Variants in CAPZA2 observed in about 807,000 individuals in gnomAD.
CAPZA2 encodes F-actin-capping protein subunit alpha-2.
Under a neutral mutation model 44.0 loss-of-function variants are expected in CAPZA2, and 13 were observed. The ratio of observed to expected loss-of-function variants is 0.30; its 90% CI spans 0.19 to 0.47. CAPZA2 has a LOEUF of 0.47. CAPZA2 is among the 20% of genes least tolerant of loss of function. The probability of loss-of-function intolerance (pLI) is 1.00; values close to 1 mark genes in which losing one functional copy is unlikely to be tolerated. For synonymous variants in CAPZA2, 94 were observed against 108.2 expected (o/e 0.87, Z 0.81); for missense variants, 244 against 338.6 (o/e 0.72, Z 2.19).
rs756682218 is a variant in CAPZA2 at position 116,888,180 on chromosome 7, G to A, written c.93G>A (p.Glu31=). Residue 31 remains glutamate (E), a synonymous_variant, in exon 2 of 10, where the codon GAG becomes GAA. Coordinates refer to ENST00000361183, the MANE Select transcript of CAPZA2 (RefSeq NM_006136.3). The stretch of plus-strand genomic sequence containing the variant: ...ATGCCCCTCCTGGAGAATTTAATGA[G>A]GTTTTCAATGGTGAGTGTTTGATTT... ...IIHAPPGEFN[E]VFNDVRLLLN... is the part of the protein sequence containing the mutation. 3.6e-5 allele frequency: 58 copies of A among 1,608,098 alleles called. 1 individual carries two copies. In the South Asian group the frequency reaches 6.3e-4, roughly 17 times the overall value.
intron 4 of CAPZA2, among the ~76,000 whole-genome samples, chr7:116,900,150 A>G (rs1796978162): frequency 6.6e-6 from 1 of 151,874 alleles, no homozygotes; most frequent in African/African-American, 2.4e-5. Flanking sequence ...GAATCGAAGA[A>G]AACCTCTTAA....
At chr7:116,886,665 G>A (rs1438322132) in intron 1 of CAPZA2, among the ~76,000 whole-genome samples, 1 of 152,224 alleles carries the variant, frequency 6.6e-6, no homozygotes, top group Non-Finnish European at 1.5e-5. Context: ...TGGAGATGTT[G>A]TTTAAATGGT....
At position 116,910,990 on chromosome 7, in the gene CAPZA2, C is replaced by CAA. The variant is rs57772383; in HGVS notation, c.585+700_585+701dup. Among the ~76,000 whole-genome samples the CAA allele has an allele frequency of 8.9e-3, 438 of 49,330 alleles. 4 individuals carry two copies. Among genetic ancestry groups the CAA allele is most frequent in the Non-Finnish European group, 9.8e-3 (237 of 24,208 alleles). The allele number at this position is 49,330 out of a possible 152,430, so 32.4% of individuals were successfully genotyped here. On this transcript the variant is annotated intron_variant, in intron 7 of 9. Coordinates refer to ENST00000361183, the MANE Select transcript of CAPZA2 (RefSeq NM_006136.3). ...TGGGCGACAGAACAAGACTCCGTCT[C>CAA]AAAAAAAAAAAAAAAAAAAAAAGCA... is the stretch of plus-strand genomic sequence containing the variant.
At chr7:116,907,409 A>G (rs190114120) in intron 6 of CAPZA2, among the ~76,000 whole-genome samples, 14 of 152,312 alleles carry the variant, frequency 9.2e-5, no homozygotes, top group African/African-American at 3.4e-4. Flanking sequence ...TGTAGCATTA[A>G]TCTAGAATCC....
intron 4 of CAPZA2, among the ~76,000 whole-genome samples, 186 bp from the exon 5 acceptor site, chr7:116,903,991 A>G (rs1289104411): frequency 6.6e-6 from 1 of 152,222 alleles, no homozygotes; most frequent in Admixed American, 6.5e-5. Context: ...GGATGAGAGT[A>G]ATGTCATTGT....
chr7:116,914,034 T>C (rs1184879449), intron 8 of CAPZA2, among the ~76,000 whole-genome samples: 1 of 149,220 alleles, frequency 6.7e-6, no homozygotes, highest in East Asian at 1.9e-4. Context: ...AATTTTTTTT[T>C]TTTTTTTTTT....
rs547645794 is a variant in CAPZA2 at position 116,878,505 on chromosome 7, C to T, written c.40-9622C>T. Among the ~76,000 whole-genome samples, 21 of 152,188 alleles carry T rather than the reference C, an allele frequency of 1.4e-4. No homozygotes were observed. In the South Asian group the frequency reaches 4.4e-3, roughly 32 times the overall value. On this transcript the variant is annotated intron_variant, in intron 1 of 9. Coordinates refer to ENST00000361183, the MANE Select transcript of CAPZA2 (RefSeq NM_006136.3). ...GCATGTCATCTCCCTTAGTTTTTAC[C>T]TTTGAAAACTGAGGTTTACAGAAGT...
Position 116,910,453 on chromosome 7 carries a change from C to T in CAPZA2, c.585+142C>T, listed in dbSNP as rs1791575933. 6.7e-6 allele frequency: 4 copies of T among 595,156 alleles called. No homozygotes were observed. In the Admixed American group the frequency reaches 1.2e-4, roughly 18 times the overall value. The allele number at this position is 595,156 out of a possible 1,614,324, so 36.9% of individuals were successfully genotyped here. A position where few individuals can be genotyped will look rare whatever the true frequency, so the allele number is the denominator to read the frequency against. ...TGGGGTAATGGGAAAAACAATAGTGCTGTTTTAAATCTTTTAAATAACCTG... is the reference window on the plus strand; with the variant it reads ...TGGGGTAATGGGAAAAACAATAGTGTTGTTTTAAATCTTTTAAATAACCTG... On this transcript the variant is annotated intron_variant, in intron 7 of 9. Coordinates refer to ENST00000361183, the MANE Select transcript of CAPZA2 (RefSeq NM_006136.3).
At chr7:116,867,035 C>T (rs779395486) in intron 1 of CAPZA2, among the ~76,000 whole-genome samples, 5 of 152,118 alleles carry the variant, frequency 3.3e-5, no homozygotes, top group South Asian at 2.1e-4. Context: ...TTTTTTGGCC[C>T]TGTACCTTAC....
intron 1 of CAPZA2, among the ~76,000 whole-genome samples, chr7:116,878,506 T>C (rs1037209473): frequency 6.6e-6 from 1 of 152,224 alleles, no homozygotes; most frequent in Non-Finnish European, 1.5e-5. Context: ...AGTTTTTACC[T>C]TTGAAAACTG....
rs908334838 is a variant in CAPZA2, at chr7:116,921,622, C to A, written c.*3755C>A. On this transcript the variant is annotated 3_prime_UTR_variant, in exon 10 of 10. Coordinates refer to ENST00000361183, the MANE Select transcript of CAPZA2 (RefSeq NM_006136.3). Reference sequence around the variant, plus strand: ...CTTTGAACCCAGGAAGTGACAGTTACAACGAGCGGAGACTGTGCCACTTCA... The same window carrying A: ...CTTTGAACCCAGGAAGTGACAGTTAAAACGAGCGGAGACTGTGCCACTTCA... 1 of 152,228 alleles carries A rather than the reference C, an allele frequency of 6.6e-6. No individual in the cohort carries two copies. Among genetic ancestry groups the A allele is most frequent in the African/African-American group, 2.4e-5 (1 of 41,450 alleles). The allele number at this position is 152,228 out of a possible 1,614,324, so 9.4% of individuals were successfully genotyped here.
At chr7:116,873,972 T>TA (rs973438580) in intron 1 of CAPZA2, 2 of 152,928 alleles carry the variant, frequency 1.3e-5, no homozygotes, top group African/African-American at 4.8e-5. Flanking sequence ...CTTTCCCTGA[T>TA]AAGTTTTTCA....
intron 4 of CAPZA2, among the ~76,000 whole-genome samples, chr7:116,902,007 G>A (rs1436251401): frequency 6.6e-6 from 1 of 151,748 alleles, no homozygotes; most frequent in Non-Finnish European, 1.5e-5. Flanking sequence ...TTGTTTTACA[G>A]CCAATGTTAA....
chr7:116,918,939 C>T lies in CAPZA2; in HGVS notation c.*1072C>T, dbSNP rs556582964. The T allele has an allele frequency of 2.0e-5, 3 of 152,108 alleles. No individual in the cohort carries two copies. The highest frequency in any genetic ancestry group is 4.4e-5 in the Non-Finnish European group (3 of 68,016). 9.4% of individuals were successfully genotyped at this position (152,108 alleles called of 1,614,324 possible). On this transcript the variant is annotated 3_prime_UTR_variant, in exon 10 of 10. Transcript: ENST00000361183. ...AGTTCTACTGATGCTACAGGAATTT[C>T]AAGCCTGTGGTGAATGTTAGTATTT...
intron 3 of CAPZA2, among the ~76,000 whole-genome samples, chr7:116,898,372 T>C (rs1796953143): frequency 6.6e-6 from 1 of 152,128 alleles, no homozygotes; most frequent in Non-Finnish European, 1.5e-5. Flanking sequence ...TTTATTCACC[T>C]GTAGGCCTTT....
chr7:116,903,899 C>G (rs1430385951), intron 4 of CAPZA2, among the ~76,000 whole-genome samples: 1 of 152,094 alleles, frequency 6.6e-6, no homozygotes, highest in African/African-American at 2.4e-5. Context: ...CCCACCAAAC[C>G]CACTTGAACA....
At position 116,917,716 on chromosome 7, in the gene CAPZA2, G is replaced by T; in HGVS notation, c.721-11G>T. ...GCTTTACTTTAAACTTCTAACTATT[G>T]TTTTTCATAGACTGCCATCAGTGAG... On this transcript the variant is annotated splice_polypyrimidine_tract_variant and intron_variant, in intron 9 of 9. Transcript: ENST00000361183. 1 of 1,586,592 alleles carries T rather than the reference G, an allele frequency of 6.3e-7. No homozygotes were observed. The highest frequency in any genetic ancestry group is 8.7e-7 in the Non-Finnish European group (1 of 1,155,016).
chr7:116,886,443 A>T (rs1220763714), intron 1 of CAPZA2, among the ~76,000 whole-genome samples: 2 of 152,242 alleles, frequency 1.3e-5, no homozygotes, highest in African/African-American at 4.8e-5. Context: ...CTCCTCTGAA[A>T]ATGGTATCTG....
rs532537320 is a variant in CAPZA2, at chr7:116,905,415, G to A, written c.427-848G>A. On this transcript the variant is annotated intron_variant, in intron 5 of 9. Coordinates refer to ENST00000361183, the MANE Select transcript of CAPZA2 (RefSeq NM_006136.3). The stretch of plus-strand genomic sequence containing the variant: ...GGCTTAAAGGCCCTGTGACCACGTG[G>A]CCTCTGCTTACCCCTCCAACCTAAC... Among the ~76,000 whole-genome samples, 44 of 152,124 alleles carry A rather than the reference G, an allele frequency of 2.9e-4. No homozygotes were observed. In the South Asian group the frequency reaches 8.7e-3, roughly 30 times the overall value.
Sources: allele counts gnomAD v4.1 joint callset (sites outside exome capture counted in the v4.1 genomes callset), GRCh38; gene constraint gnomAD v4.1.1; transcripts MANE v1.5; gene names NCBI Gene and HGNC (gene_info 2026-07-23, HGNC 2026-07-21).